The following CC2D2A variants were observed in gnomAD, a reference collection of about 807,000 sequenced individuals.
The protein encoded by CC2D2A is coiled-coil and C2 domain-containing protein 2A.
Under a neutral mutation model 212.9 loss-of-function variants are expected in CC2D2A, and 155 were observed. That is an observed-to-expected ratio of 0.73 (90% CI 0.64 to 0.83). The LOEUF (loss-of-function observed/expected upper bound fraction) is 0.83, where lower values mean the gene tolerates loss of function less well. CC2D2A is among the 40% of genes least tolerant of loss of function. The pLI is 0.00. For missense variants in CC2D2A, 1,856 were observed against 1,956.2 expected, an observed-to-expected ratio of 0.95 and a Z score of 0.97; for synonymous variants, 667 against 686.5, an observed-to-expected ratio of 0.97 and a Z score of 0.44.
At chr4:15,569,488 T>C (rs1257729004) in intron 27 of CC2D2A, 99 bp downstream of exon 27, 7 of 685,912 alleles carry the variant, frequency 1.0e-5, no homozygotes, top group Non-Finnish European at 1.8e-5. Context: ...GGGGTCCCGA[T>C]CTAGATCCTT....
At chr4:15,533,779 A>T (rs1226529615) in intron 14 of CC2D2A, among the ~76,000 whole-genome samples, 1 of 152,232 alleles carries the variant, frequency 6.6e-6, no homozygotes, top group Non-Finnish European at 1.5e-5. Flanking sequence ...GAATATAGCC[A>T]AACTTGTCCA....
chr4:15,595,524 A>G (rs1721280452), intron 33 of CC2D2A, among the ~76,000 whole-genome samples: 1 of 152,242 alleles, frequency 6.6e-6, no homozygotes, highest in African/African-American at 2.4e-5. Flanking sequence ...GGTAGATACT[A>G]TTTATTATCC....
chr4:15,537,107 G>A (rs779628537), intron 15 of CC2D2A, 31 bp downstream of exon 15: 52 of 1,607,124 alleles, frequency 3.2e-5, no homozygotes, highest in Non-Finnish European at 4.0e-5. Context: ...CCTGGAATAG[G>A]GCTGGCCAGG....
chr4:15,504,321 C>A (rs1021176538), intron 6 of CC2D2A, among the ~76,000 whole-genome samples: 2 of 152,132 alleles, frequency 1.3e-5, no homozygotes, highest in Non-Finnish European at 2.9e-5. Flanking sequence ...ACTGAAAAAG[C>A]ATTTCTTCCC....
chr4:15,519,834 A>G (rs1333669629), intron 11 of CC2D2A: 2 of 290,146 alleles, frequency 6.9e-6, no homozygotes, highest in South Asian at 6.2e-5. Context: ...TCCTCTCATG[A>G]CATGAGGGAA....
chr4:15,560,030 C>T (rs921278153), intron 22 of CC2D2A, among the ~76,000 whole-genome samples: 2 of 152,052 alleles, frequency 1.3e-5, no homozygotes, highest in African/African-American at 4.8e-5. Flanking sequence ...TGGGGTTTTG[C>T]CACGTGCCCC....
intron 2 of CC2D2A, among the ~76,000 whole-genome samples, chr4:15,477,432 C>T (rs374519615): frequency 3.3e-5 from 5 of 152,054 alleles, no homozygotes; most frequent in Non-Finnish European, 5.9e-5. Flanking sequence ...AGTAAACAAA[C>T]CTTGTTCCCT....
intron 19 of CC2D2A, among the ~76,000 whole-genome samples, chr4:15,554,537 A>T (rs1401252092): frequency 6.6e-6 from 1 of 152,240 alleles, no homozygotes; most frequent in Admixed American, 6.5e-5. Flanking sequence ...TTAGCTGGGC[A>T]TGGTGGCGCA....
intron 11 of CC2D2A, among the ~76,000 whole-genome samples, chr4:15,518,817 G>A (rs1717031988): frequency 6.6e-6 from 1 of 152,210 alleles, no homozygotes; most frequent in Admixed American, 6.5e-5. Context: ...GAGTAGCTGG[G>A]ACACAGGGCA....
chr4:15,524,742 C>T (rs985042472), intron 11 of CC2D2A, among the ~76,000 whole-genome samples: 1 of 152,200 alleles, frequency 6.6e-6, no homozygotes, highest in African/African-American at 2.4e-5. Context: ...TGAGCCACCG[C>T]ACCCGGCTTT....
chr4:15,496,127 A>G (rs1157707772), intron 4 of CC2D2A, among the ~76,000 whole-genome samples: 1 of 152,184 alleles, frequency 6.6e-6, no homozygotes, highest in African/African-American at 2.4e-5. Context: ...GGTTCTGAAT[A>G]TTAGACCTTT....
intron 2 of CC2D2A, among the ~76,000 whole-genome samples, chr4:15,477,301 CA>C (rs368935605): frequency 1.5e-3 from 127 of 86,718 alleles, no homozygotes; most frequent in Middle Eastern, 0.017. Flanking sequence ...GACTCCATCT[CA>C]AAAAAAAAAA....
At chr4:15,572,727 C>A (rs1703287411) in intron 28 of CC2D2A, among the ~76,000 whole-genome samples, 1 of 151,874 alleles carries the variant, frequency 6.6e-6, no homozygotes, top group African/African-American at 2.4e-5. Context: ...GGAGAAGTGA[C>A]CACACGATCA....
chr4:15,470,306 C>T lies in CC2D2A; in HGVS notation c.-19+249C>T, dbSNP rs77346807. 3.4e-3 allele frequency among the ~76,000 whole-genome samples: 515 copies of T among 152,238 alleles called. 4 individuals carry two copies. The highest frequency in any genetic ancestry group is 0.011 in the African/African-American group (476 of 41,526). ...AATGTAAGTCCAGTTCATCACAAGT[C>T]CTGAGTGAAAATGCTCTCTGACCAA... On this transcript the variant is annotated intron_variant, in intron 1 of 36. Transcript: ENST00000424120.
chr4:15,539,282 T>C (rs1480689596), intron 16 of CC2D2A, among the ~76,000 whole-genome samples: 1 of 152,166 alleles, frequency 6.6e-6, no homozygotes, highest in East Asian at 1.9e-4. Flanking sequence ...CTGATGCATG[T>C]TATGGTATAT....
intron 1 of CC2D2A, among the ~76,000 whole-genome samples, chr4:15,470,687 CTCTATATATATATATA>C (rs1190007128): frequency 3.7e-3 from 120 of 32,362 alleles, no homozygotes; most frequent in Middle Eastern, 0.024. Flanking sequence ...CTCTCTCTCT[CTCTATATATATATATA>C]TATATATATA....
At chr4:15,587,049 A>T (rs1401840107) in intron 31 of CC2D2A, among the ~76,000 whole-genome samples, 2 of 152,244 alleles carry the variant, frequency 1.3e-5, no homozygotes, top group African/African-American at 4.8e-5. Context: ...CCCTTTTGGC[A>T]TCAGGGACTA....
chr4:15,577,077 T>G (rs1449214563), intron 29 of CC2D2A, among the ~76,000 whole-genome samples: 1 of 152,218 alleles, frequency 6.6e-6, no homozygotes, highest in Admixed American at 6.5e-5. Context: ...TGCTGCAGCC[T>G]CGACCTCTTC....
intron 1 of CC2D2A, among the ~76,000 whole-genome samples, chr4:15,470,675 CTCTCTCTCTCTCTCTATATATATATA>C (rs1362934645): frequency 1.6e-4 from 12 of 76,998 alleles, no homozygotes; most frequent in Non-Finnish European, 2.4e-4. Flanking sequence ...CTCTCTCTCT[CTCTCTCTCTCTCTCTATATATATATA>C]TATATATATA....
Sources: allele counts gnomAD v4.1 joint callset (sites outside exome capture counted in the v4.1 genomes callset), GRCh38; gene constraint gnomAD v4.1.1; transcripts MANE v1.5; gene names NCBI Gene and HGNC (gene_info 2026-07-23, HGNC 2026-07-21).